MAST4: variants seen among roughly 807,000 people sequenced by gnomAD.
The protein encoded by MAST4 is microtubule-associated serine/threonine-protein kinase 4.
Under a neutral mutation model 162.7 loss-of-function variants are expected in MAST4, and 89 were observed. The observed-to-expected ratio is 0.55, with a 90% CI of 0.46 to 0.65. The LOEUF (loss-of-function observed/expected upper bound fraction) is 0.65, where lower values mean the gene tolerates loss of function less well. Among genes scored for constraint, MAST4 ranks in the 30% least tolerant of loss-of-function variants. The pLI is 0.00. For missense variants in MAST4, 3,153 were observed against 3,374.0 expected (o/e 0.93, Z 1.62); for synonymous variants, 1,479 against 1,361.1 (o/e 1.09, Z -1.91).
At chr5:66,859,735 A>G (rs918831764) in intron 3 of MAST4, among the ~76,000 whole-genome samples, 4 of 152,254 alleles carry the variant, frequency 2.6e-5, no homozygotes, top group African/African-American at 7.2e-5. Flanking sequence ...AAGAGGAAGA[A>G]TAACTTAATG....
intron 23 of MAST4, among the ~76,000 whole-genome samples, chr5:67,146,432 A>G (rs1771089215): frequency 2.6e-5 from 4 of 152,242 alleles, no homozygotes; most frequent in Admixed American, 1.3e-4. Flanking sequence ...TCTATAGAGT[A>G]TGTGCATTTA....
chr5:66,742,900 C>T (rs1430745940), intron 1 of MAST4, among the ~76,000 whole-genome samples: 5 of 151,024 alleles, frequency 3.3e-5, no homozygotes, highest in Admixed American at 3.3e-4. Flanking sequence ...ATGCTCATAA[C>T]CCCGGGTGAA....
chr5:66,760,701 T>C (rs894978408), intron 2 of MAST4, among the ~76,000 whole-genome samples: 5 of 152,340 alleles, frequency 3.3e-5, no homozygotes, highest in East Asian at 1.9e-4. Flanking sequence ...GATTCACCCA[T>C]GTTGTTGCGT....
chr5:66,837,289 TATC>T (rs1245810534), intron 3 of MAST4, among the ~76,000 whole-genome samples: 1 of 152,196 alleles, frequency 6.6e-6, no homozygotes, highest in Non-Finnish European at 1.5e-5. Flanking sequence ...TCTTCATCAT[TATC>T]ATCTAAAATA....
chr5:66,684,905 A>G (rs781442787), intron 1 of MAST4, among the ~76,000 whole-genome samples: 2 of 152,300 alleles, frequency 1.3e-5, no homozygotes, highest in African/African-American at 4.8e-5. Context: ...CTACAATTCC[A>G]GTAAGTTCTT....
chr5:67,004,892 G>GA, intron 4 of MAST4: 1 of 656,690 alleles, frequency 1.5e-6, no homozygotes, highest in Non-Finnish European at 2.8e-6. Context: ...AGATAATTGG[G>GA]ATTTTTTTTT....
At chr5:67,099,243 T>C (rs1321846396) in intron 7 of MAST4, among the ~76,000 whole-genome samples, 1 of 152,036 alleles carries the variant, frequency 6.6e-6, no homozygotes, top group South Asian at 2.1e-4. Flanking sequence ...TAGTGAGAAG[T>C]GTTTAAGGCC....
At position 66,596,932 on chromosome 5, in the gene MAST4, C is replaced by G; in HGVS notation, c.277C>G (p.Leu93Val). The G allele has an allele frequency of 3.7e-6, 5 of 1,355,934 alleles. No individual in the cohort carries two copies. Among genetic ancestry groups the G allele is most frequent in the Non-Finnish European group, 2.9e-6 (3 of 1,052,298 alleles). 84.0% of individuals were successfully genotyped at this position (1,355,934 alleles called of 1,614,324 possible). A position where few individuals can be genotyped will look rare whatever the true frequency, so the allele number is the denominator to read the frequency against. ...PASVLLERGV[L>V]ALPPPLPGGA... ...AAGCGTGCTGCTGGAGCGCGGAGTC[C>G]TTGCGCTGCCGCCGCCGCTTCCCGG... The change falls in exon 1 of 29, where the codon CTT (leucine) becomes GTT (valine). Residue 93 changes from leucine (L) to valine (V), a missense_variant. Leu to Val is a conservative substitution (Grantham distance 32, BLOSUM62 1). Coordinates refer to ENST00000403625, the MANE Select transcript of MAST4 (RefSeq NM_001164664.2).
chr5:67,091,249 G>A (rs758555220), intron 6 of MAST4, among the ~76,000 whole-genome samples: 34 of 152,080 alleles, frequency 2.2e-4, no homozygotes, highest in African/African-American at 7.7e-4. Context: ...AAAAAGTTGC[G>A]GCATTTTCAG....
intron 1 of MAST4, among the ~76,000 whole-genome samples, chr5:66,755,855 C>G (rs1304063378): frequency 6.6e-6 from 1 of 152,134 alleles, no homozygotes; most frequent in African/African-American, 2.4e-5. Context: ...GCTTTTAATT[C>G]ATCTTCATTG....
At chr5:66,987,791 G>T (rs1478520693) in intron 4 of MAST4, among the ~76,000 whole-genome samples, 1 of 152,056 alleles carries the variant, frequency 6.6e-6, no homozygotes, top group Non-Finnish European at 1.5e-5. Flanking sequence ...ATAAACTAAT[G>T]AGCCCCATCC....
intron 1 of MAST4, among the ~76,000 whole-genome samples, chr5:66,678,498 C>A (rs961832345): frequency 2.0e-5 from 3 of 148,656 alleles, no homozygotes; most frequent in African/African-American, 7.4e-5. Context: ...ATATCAACTA[C>A]ATTTTTTTTT....
intron 3 of MAST4, among the ~76,000 whole-genome samples, chr5:66,838,816 A>C (rs959145692): frequency 6.6e-6 from 1 of 152,174 alleles, no homozygotes; most frequent in Non-Finnish European, 1.5e-5. Context: ...TGCATGTGGG[A>C]AGCAGGAAGT....
intron 3 of MAST4, among the ~76,000 whole-genome samples, chr5:66,872,620 G>T (rs1186890566): frequency 6.6e-6 from 1 of 152,176 alleles, no homozygotes; most frequent in African/African-American, 2.4e-5. Flanking sequence ...TAGCTCAGTA[G>T]CATCGAGGTG....
At chr5:67,026,246 C>G (rs767507219) in intron 4 of MAST4, among the ~76,000 whole-genome samples, 41 of 152,290 alleles carry the variant, frequency 2.7e-4, no homozygotes, top group Admixed American at 1.3e-3. Flanking sequence ...TACCTACCAC[C>G]TTCGATGCTA....
chr5:67,165,435 C>G lies in MAST4; in HGVS notation c.6256C>G (p.Leu2086Val). 1.2e-6 allele frequency: 2 copies of G among 1,613,914 alleles called. No homozygotes were observed. The highest frequency in any genetic ancestry group is 1.7e-6 in the Non-Finnish European group (2 of 1,179,890). ...RRGVEPKPEA[L>V]LARRSLQPPG... ...TGGCGTGGAACCCAAGCCCGAAGCG[C>G]TTCTTGCCAGGCGGTCTCTGCAGCC... Residue 2086 changes from leucine (L) to valine (V), a missense_variant, in exon 29 of 29, where the codon CTT becomes GTT. Transcript: ENST00000403625.
chr5:66,611,303 G>T (rs1180991812), intron 1 of MAST4, among the ~76,000 whole-genome samples: 1 of 152,238 alleles, frequency 6.6e-6, no homozygotes, highest in Admixed American at 6.5e-5. Flanking sequence ...ACACTCAAGT[G>T]TGTGTTTTTA....
intron 25 of MAST4, among the ~76,000 whole-genome samples, chr5:67,153,241 G>C (rs1309378104): frequency 1.3e-5 from 2 of 151,630 alleles, no homozygotes; most frequent in East Asian, 3.9e-4. Flanking sequence ...TTGTGGCTCT[G>C]GTACTTTCAG....
chr5:66,816,693 A>T (rs1045415958), intron 3 of MAST4, among the ~76,000 whole-genome samples: 2 of 152,020 alleles, frequency 1.3e-5, no homozygotes, highest in Non-Finnish European at 1.5e-5. Flanking sequence ...TCCATTACCC[A>T]TGTTTGCCTT....
Sources: allele counts gnomAD v4.1 joint callset (sites outside exome capture counted in the v4.1 genomes callset), GRCh38; gene constraint gnomAD v4.1.1; transcripts MANE v1.5; gene names NCBI Gene and HGNC (gene_info 2026-07-23, HGNC 2026-07-21).